The following CUX2 variants were observed in gnomAD, a reference collection of about 807,000 sequenced individuals.
CUX2 encodes the protein homeobox protein cut-like 2.
Under a neutral mutation model 144.8 loss-of-function variants are expected in CUX2, and 40 were observed. The ratio of observed to expected loss-of-function variants is 0.28; its 90% CI spans 0.21 to 0.36. The LOEUF (loss-of-function observed/expected upper bound fraction) is 0.36, where lower values mean the gene tolerates loss of function less well. Ranked by LOEUF, CUX2 falls within the 10% of genes least tolerant of loss-of-function variation. The probability of loss-of-function intolerance (pLI) is 1.00; values close to 1 mark genes in which losing one functional copy is unlikely to be tolerated. For synonymous variants in CUX2, 827 were observed against 875.6 expected (o/e 0.94, Z 0.98); for missense variants, 1,615 against 1,994.0 (o/e 0.81, Z 3.62).
At chr12:111,150,587 A>G (rs530695478) in intron 1 of CUX2, among the ~76,000 whole-genome samples, 8 of 152,288 alleles carry the variant, frequency 5.3e-5, no homozygotes, top group Admixed American at 2.6e-4. Context: ...GCAGTTAGGG[A>G]AGGGAATAAG....
At chr12:111,081,432 C>T (rs1405550118) in intron 1 of CUX2, among the ~76,000 whole-genome samples, 1 of 152,034 alleles carries the variant, frequency 6.6e-6, no homozygotes, top group African/African-American at 2.4e-5. Context: ...GGTGTAGTTT[C>T]TGTAAATTAA....
chr12:111,166,463 AT>A (rs1453217542), intron 1 of CUX2, among the ~76,000 whole-genome samples: 1 of 152,226 alleles, frequency 6.6e-6, no homozygotes, highest in Non-Finnish European at 1.5e-5. Context: ...ACTAACATTT[AT>A]TGAGCATGGA....
chr12:111,133,723 G>T (rs1875661059), intron 1 of CUX2, among the ~76,000 whole-genome samples: 2 of 152,154 alleles, frequency 1.3e-5, no homozygotes, highest in African/African-American at 2.4e-5. Flanking sequence ...GGGGGCGGGG[G>T]TCTTTAGGAG....
intron 1 of CUX2, among the ~76,000 whole-genome samples, chr12:111,103,550 G>A (rs1032923526): frequency 1.3e-5 from 2 of 152,226 alleles, no homozygotes; most frequent in African/African-American, 4.8e-5. Context: ...TGGGATGCAA[G>A]GAGATGCCCT....
intron 1 of CUX2, among the ~76,000 whole-genome samples, chr12:111,074,442 A>G (rs1871409942): frequency 6.6e-6 from 1 of 152,030 alleles, no homozygotes; most frequent in Admixed American, 6.5e-5. Context: ...GGGGCAGGGA[A>G]ACATTCTAGC....
chr12:111,089,055 G>T (rs934530102), intron 1 of CUX2, among the ~76,000 whole-genome samples: 2 of 152,202 alleles, frequency 1.3e-5, no homozygotes, highest in African/African-American at 4.8e-5. Flanking sequence ...CATTTTACAG[G>T]TGAGGAGACT....
chr12:111,150,489 T>C (rs1251649153), intron 1 of CUX2, among the ~76,000 whole-genome samples: 3 of 152,240 alleles, frequency 2.0e-5, no homozygotes, highest in South Asian at 2.1e-4. Flanking sequence ...AGAAAGCTGG[T>C]TCTTTATTTC....
chr12:111,212,834 T>G (rs1223396577), intron 1 of CUX2, among the ~76,000 whole-genome samples: 2 of 152,238 alleles, frequency 1.3e-5, no homozygotes, highest in Non-Finnish European at 2.9e-5. Flanking sequence ...GAGCTGCTAT[T>G]GAGCAGATTT....
In CUX2 at chr12:111,320,259, C is replaced by T; in HGVS notation, c.2250C>T (p.Gly750=). The change falls in exon 17 of 22, where the codon GGC becomes GGT. Residue 750 remains glycine (G), a synonymous_variant. Coordinates refer to ENST00000261726, the MANE Select transcript of CUX2 (RefSeq NM_015267.4). This position sits in a 1 kb window ranked among gnomAD's most constrained non-coding sequence, Gnocchi z 8.1. ...GAPALVKQEE[G]SGGPAQAPLP... ...CGGCCTTGGTGAAGCAGGAGGAGGG[C>T]AGCGGGGGCCCCGCGCAGGCGCCGC... The T allele has an allele frequency of 6.3e-7, 1 of 1,589,464 alleles. No homozygotes were observed. Among genetic ancestry groups the T allele is most frequent in the Non-Finnish European group, 8.5e-7 (1 of 1,175,336 alleles).
At chr12:111,239,130 G>A (rs1882899259) in intron 3 of CUX2, among the ~76,000 whole-genome samples, 1 of 152,172 alleles carries the variant, frequency 6.6e-6, no homozygotes. Context: ...AGATCACACA[G>A]CCAGTTGGCA....
chr12:111,297,556 C>T (rs576463082), intron 8 of CUX2, among the ~76,000 whole-genome samples: 3 of 152,180 alleles, frequency 2.0e-5, no homozygotes, highest in Admixed American at 6.5e-5. Flanking sequence ...GGACTGTCCC[C>T]GCTCCCCAGC....
intron 1 of CUX2, among the ~76,000 whole-genome samples, chr12:111,112,314 A>T (rs1474440911): frequency 1.3e-5 from 2 of 152,192 alleles, no homozygotes; most frequent in East Asian, 1.9e-4. Flanking sequence ...CATTTGCCTC[A>T]TATTGCAAAG....
chr12:111,297,551 G>A (rs956468005), intron 8 of CUX2, among the ~76,000 whole-genome samples: 10 of 152,204 alleles, frequency 6.6e-5, no homozygotes, highest in Non-Finnish European at 1.3e-4. Flanking sequence ...CCCTGGGACT[G>A]TCCCCGCTCC....
In CUX2 at chr12:111,269,365, A is replaced by AC. The variant is rs573534996; in HGVS notation, c.301+5532dup. Among the ~76,000 whole-genome samples, 344 of 152,062 alleles carry AC rather than the reference A, an allele frequency of 2.3e-3. 3 individuals are homozygous for AC. Among genetic ancestry groups the AC allele is most frequent in the African/African-American group, 7.8e-3 (324 of 41,484 alleles). Reference sequence around the variant, plus strand: ...AGCAAAAAGATACTTCATCAGTGAGACCCCCCTTCCATGCACATCTTGTGT... The same window carrying AC: ...AGCAAAAAGATACTTCATCAGTGAGACCCCCCCTTCCATGCACATCTTGTGT... On this transcript the variant is annotated intron_variant, in intron 4 of 21. Transcript: ENST00000261726.
At chr12:111,156,985 CA>C (rs1200398908) in intron 1 of CUX2, among the ~76,000 whole-genome samples, 298 of 18,990 alleles carry the variant, frequency 0.016, no homozygotes, top group African/African-American at 0.047. Context: ...AAACTTCTCT[CA>C]AAAAAAAAAA....
intron 18 of CUX2, among the ~76,000 whole-genome samples, chr12:111,329,802 A>AT (rs1488756959): frequency 1.3e-5 from 2 of 152,014 alleles, no homozygotes; most frequent in African/African-American, 4.8e-5. Flanking sequence ...CACCTGGCTA[A>AT]TTTTTTGTAT....
At chr12:111,129,665 T>C (rs1213014071) in intron 1 of CUX2, among the ~76,000 whole-genome samples, 1 of 152,244 alleles carries the variant, frequency 6.6e-6, no homozygotes, top group African/African-American at 2.4e-5. Context: ...CTGATCTTTC[T>C]AGTCCTTTAT....
chr12:111,241,274 G>A (rs1009407665), intron 3 of CUX2, among the ~76,000 whole-genome samples: 26 of 152,210 alleles, frequency 1.7e-4, no homozygotes, highest in African/African-American at 6.3e-4. Flanking sequence ...ATCTATTCAT[G>A]AGAGATCCAC....
chr12:111,166,852 G>A (rs1196777041), intron 1 of CUX2, among the ~76,000 whole-genome samples: 2 of 152,096 alleles, frequency 1.3e-5, no homozygotes, highest in Non-Finnish European at 2.9e-5. Flanking sequence ...GACGCGTGCC[G>A]GCCGCATTCT....
Sources: allele counts gnomAD v4.1 joint callset (sites outside exome capture counted in the v4.1 genomes callset), GRCh38; gene constraint gnomAD v4.1.1; non-coding constraint Gnocchi (gnomAD v3.1); transcripts MANE v1.5; gene names NCBI Gene and HGNC (gene_info 2026-07-23, HGNC 2026-07-21).